Variants in CPQ observed in about 807,000 individuals in gnomAD.
The protein encoded by CPQ is Ser-Met dipeptidase.
A neutral mutation model predicts 45.7 loss-of-function variants in CPQ; 37 were observed. The ratio of observed to expected loss-of-function variants is 0.81; its 90% CI spans 0.62 to 1.07. The LOEUF (loss-of-function observed/expected upper bound fraction) is 1.07, where lower values mean the gene tolerates loss of function less well. Among genes scored for constraint, CPQ ranks in the 50% least tolerant of loss-of-function variants. The pLI, the probability that CPQ is intolerant of heterozygous loss-of-function variation, is 0.00. For synonymous variants in CPQ, 186 were observed against 205.8 expected, an observed-to-expected ratio of 0.90 and a Z score of 0.82; for missense variants, 537 against 572.9, an observed-to-expected ratio of 0.94 and a Z score of 0.64.
intron 1 of CPQ, among the ~76,000 whole-genome samples, chr8:96,743,728 C>A (rs1279795173): frequency 2.6e-5 from 4 of 152,136 alleles, no homozygotes; most frequent in African/African-American, 9.7e-5. Flanking sequence ...TGTTGGAATA[C>A]CCTGCCATGT....
At chr8:96,880,165 A>G (rs905297892) in intron 4 of CPQ, among the ~76,000 whole-genome samples, 160 bp downstream of exon 4, 1 of 152,144 alleles carries the variant, frequency 6.6e-6, no homozygotes, top group Non-Finnish European at 1.5e-5. Flanking sequence ...TCAAAATTTT[A>G]CCATGTTTAC....
intron 5 of CPQ, among the ~76,000 whole-genome samples, chr8:96,988,192 C>G (rs1017509868): frequency 1.3e-5 from 2 of 152,048 alleles, no homozygotes; most frequent in African/African-American, 4.8e-5. Context: ...CTCTTTTTTT[C>G]TTACCCTTCA....
At chr8:96,851,412 C>A (rs1811769398) in intron 3 of CPQ, among the ~76,000 whole-genome samples, 1 of 152,148 alleles carries the variant, frequency 6.6e-6, no homozygotes, top group African/African-American at 2.4e-5. Context: ...ATCTTTATTT[C>A]TCACAGTTCT....
At chr8:96,862,204 A>C (rs1331237843) in intron 3 of CPQ, among the ~76,000 whole-genome samples, 1 of 151,844 alleles carries the variant, frequency 6.6e-6, no homozygotes, top group Non-Finnish European at 1.5e-5. Context: ...TGCATACGGG[A>C]CCATGCCTAG....
At chr8:97,057,216 T>G (rs1159452202) in intron 6 of CPQ, among the ~76,000 whole-genome samples, 1 of 152,186 alleles carries the variant, frequency 6.6e-6, no homozygotes, top group Non-Finnish European at 1.5e-5. Context: ...AAAATAACTG[T>G]TGAATAAATA....
At chr8:96,976,962 C>T (rs1476244584) in intron 5 of CPQ, among the ~76,000 whole-genome samples, 1 of 151,944 alleles carries the variant, frequency 6.6e-6, no homozygotes, top group African/African-American at 2.4e-5. Flanking sequence ...GACCAGGAAC[C>T]CAAAAGCAAA....
intron 7 of CPQ, among the ~76,000 whole-genome samples, chr8:97,088,917 G>A (rs981020285): frequency 6.6e-6 from 1 of 152,130 alleles, no homozygotes; most frequent in South Asian, 2.1e-4. Context: ...AGCTATACTC[G>A]AAATAACTTT....
intron 7 of CPQ, among the ~76,000 whole-genome samples, chr8:97,130,276 A>T (rs1248678263): frequency 1.3e-5 from 2 of 152,172 alleles, no homozygotes; most frequent in Non-Finnish European, 2.9e-5. Flanking sequence ...TGTTATTTAT[A>T]AACTCGTCCC....
intron 5 of CPQ, among the ~76,000 whole-genome samples, chr8:97,013,952 A>G (rs1460704278): frequency 6.6e-6 from 1 of 152,176 alleles, no homozygotes; most frequent in Non-Finnish European, 1.5e-5. Context: ...TTTATATGTA[A>G]ATATGCTATG....
intron 1 of CPQ, among the ~76,000 whole-genome samples, chr8:96,765,743 A>T (rs867201733): frequency 2.0e-5 from 3 of 152,186 alleles, no homozygotes; most frequent in Non-Finnish European, 2.9e-5. Context: ...TTAAAATTCC[A>T]AACAGTATTA....
intron 3 of CPQ, among the ~76,000 whole-genome samples, chr8:96,855,070 C>G (rs923910681): frequency 6.6e-6 from 1 of 152,192 alleles, no homozygotes; most frequent in Non-Finnish European, 1.5e-5. Context: ...GAGGAATTCT[C>G]TCTTCCTTGG....
intron 5 of CPQ, among the ~76,000 whole-genome samples, chr8:97,004,029 C>T (rs949724601): frequency 6.6e-6 from 1 of 152,082 alleles, no homozygotes; most frequent in African/African-American, 2.4e-5. Context: ...TTTTCTTTAA[C>T]TCTCCTAATT....
At chr8:97,026,638 A>T (rs111816587) in intron 5 of CPQ, among the ~76,000 whole-genome samples, 151 of 152,352 alleles carry the variant, frequency 9.9e-4, no homozygotes, top group African/African-American at 3.5e-3. Flanking sequence ...CACTCTGTGA[A>T]GTAGGTGCTA....
chr8:96,717,800 C>G (rs1055288897), intron 1 of CPQ, among the ~76,000 whole-genome samples: 3 of 152,046 alleles, frequency 2.0e-5, no homozygotes, highest in African/African-American at 4.8e-5. Flanking sequence ...AGCAGTGGCT[C>G]CAGAGGGGAT....
chr8:96,682,628 T>G (rs1563701372), intron 1 of CPQ, among the ~76,000 whole-genome samples: 1 of 152,218 alleles, frequency 6.6e-6, no homozygotes, highest in Non-Finnish European at 1.5e-5. Flanking sequence ...TGCTCTGCTG[T>G]TGGGTGCTTG....
chr8:96,658,832 G>A (rs968937266), intron 1 of CPQ, among the ~76,000 whole-genome samples: 1 of 152,222 alleles, frequency 6.6e-6, no homozygotes, highest in Non-Finnish European at 1.5e-5. Context: ...ACTAGAAACT[G>A]AGGAAAGCAA....
intron 4 of CPQ, among the ~76,000 whole-genome samples, chr8:96,934,276 T>C (rs1025190857): frequency 1.3e-5 from 2 of 152,098 alleles, no homozygotes; most frequent in African/African-American, 4.8e-5. Context: ...TTAAGGATGG[T>C]AGAGAGATTA....
chr8:96,998,844 T>C (rs920604817), intron 5 of CPQ, among the ~76,000 whole-genome samples: 1 of 152,040 alleles, frequency 6.6e-6, no homozygotes, highest in African/African-American at 2.4e-5. Flanking sequence ...TTTTGTTTAC[T>C]GCTGTTCTAT....
rs951521011 is a variant in CPQ, at chr8:96,987,704, T to C, written c.961+21658T>C. On this transcript the variant is annotated intron_variant, in intron 5 of 7. Transcript: ENST00000220763. ...GACTCCATCTTAAACATCACATTAC[T>C]GATAACTCAGAGAACTTTTAACCTA... Among the ~76,000 whole-genome samples the C allele has an allele frequency of 2.6e-5, 4 of 152,222 alleles. No homozygotes were observed. The East Asian group carries it at 7.7e-4, about 29-fold the overall frequency.
Sources: gnomAD v4.1 joint callset for allele counts (sites outside exome capture counted in the v4.1 genomes callset) on GRCh38, gnomAD v4.1.1 for gene constraint, MANE v1.5 for transcripts, NCBI Gene and HGNC (gene_info 2026-07-23, HGNC 2026-07-21) for gene names.